Variants in WDR64 observed in about 807,000 individuals in gnomAD.
WDR64 encodes the protein WD repeat domain 64, also known as WD repeat-containing protein 64.
Under a neutral mutation model 139.3 loss-of-function variants are expected in WDR64, and 112 were observed. The ratio of observed to expected loss-of-function variants is 0.80; its 90% CI spans 0.69 to 0.94. The LOEUF (loss-of-function observed/expected upper bound fraction) is 0.94. Among genes scored for constraint, WDR64 ranks in the 40% least tolerant of loss-of-function variants. WDR64 has a pLI of 0.00. For missense variants in WDR64, 1,206 were observed against 1,293.1 expected (o/e 0.93, Z 1.03); for synonymous variants, 444 against 437.7 (o/e 1.01, Z -0.18).
chr1:241,766,844 G>A (rs961730977), intron 16 of WDR64, among the ~76,000 whole-genome samples: 1 of 152,162 alleles, frequency 6.6e-6, no homozygotes, highest in African/African-American at 2.4e-5. Context: ...TATAAGTAAG[G>A]TGAACTGTAA....
chr1:241,683,083 G>T (rs1666871875), intron 6 of WDR64, among the ~76,000 whole-genome samples: 1 of 152,070 alleles, frequency 6.6e-6, no homozygotes, highest in South Asian at 2.1e-4. Context: ...TTTTCTTCTG[G>T]TGACTCCTTG....
chr1:241,721,272 G>A (rs1405069256), intron 9 of WDR64, among the ~76,000 whole-genome samples: 1 of 152,030 alleles, frequency 6.6e-6, no homozygotes, highest in Non-Finnish European at 1.5e-5. Flanking sequence ...TGTCTTTGCT[G>A]TTCAGGCTCT....
chr1:241,671,090 C>T lies in WDR64; in HGVS notation c.293C>T (p.Ser98Phe). The stretch of plus-strand genomic sequence containing the variant: ...GGATTTCAGATCTTTGGATACTTCT[C>T]CTCTGAAGAAGATCCTATTGCTTCC... ...ADWCEIFGYF[S>F]SEEDPIASQL... The change falls in exon 3 of 28, where the codon TCC becomes TTC. Residue 98 changes from serine to phenylalanine, a missense_variant. Transcript: ENST00000437684. The T allele has an allele frequency of 6.5e-7, 1 of 1,549,484 alleles. No homozygotes were observed. The highest frequency in any genetic ancestry group is 2.0e-5 in the Admixed American group (1 of 50,662).
intron 8 of WDR64, among the ~76,000 whole-genome samples, chr1:241,709,342 C>T (rs2148167925): frequency 6.6e-6 from 1 of 152,260 alleles, no homozygotes; most frequent in East Asian, 1.9e-4. Context: ...GCAGCTGTGG[C>T]AAGAATTCAT....
chr1:241,655,829 T>C (rs1665573077), intron 1 of WDR64, among the ~76,000 whole-genome samples: 2 of 152,128 alleles, frequency 1.3e-5, no homozygotes, highest in South Asian at 4.1e-4. Flanking sequence ...GTTCATGCAC[T>C]TTATTGCCAT....
chr1:241,731,570 T>C (rs1469462428), intron 10 of WDR64, among the ~76,000 whole-genome samples: 2 of 152,174 alleles, frequency 1.3e-5, no homozygotes, highest in Non-Finnish European at 2.9e-5. Flanking sequence ...ACTGAGATAG[T>C]CTGCCTCCTG....
At chr1:241,743,266 G>C (rs901709221) in intron 12 of WDR64, among the ~76,000 whole-genome samples, 13 of 152,166 alleles carry the variant, frequency 8.5e-5, no homozygotes, top group African/African-American at 3.1e-4. Context: ...TGGTTGGAGA[G>C]GGATCACACT....
In WDR64 at chr1:241,687,478, A is replaced by G. The variant is rs750575442; in HGVS notation, c.857A>G (p.His286Arg). 1.2e-5 allele frequency: 19 copies of G among 1,613,942 alleles called. No homozygotes were observed. The highest frequency in any genetic ancestry group is 5.0e-5 in the Admixed American group (3 of 59,992). The change falls in exon 8 of 28, where the codon CAT becomes CGT. Residue 286 changes from histidine (H) to arginine (R), a missense_variant. Coordinates refer to ENST00000437684, the MANE Select transcript of WDR64 (RefSeq NM_001367482.1). The stretch of plus-strand genomic sequence containing the variant: ...ATCCCCAGTGTTAAAAGGAAGCTAC[A>G]TAATGACTGGGTTATGAAAATTAGA... ...KNFKSVKRKL[H>R]NDWVMKIRYI... is the part of the protein sequence containing the mutation.
At chr1:241,800,693 G>T (rs967061291) in intron 27 of WDR64, among the ~76,000 whole-genome samples, 1 of 152,054 alleles carries the variant, frequency 6.6e-6, no homozygotes, top group African/African-American at 2.4e-5. Flanking sequence ...TTCCTCATTT[G>T]TGTGACTGAT....
At chr1:241,782,619 C>G (rs950451478) in intron 22 of WDR64, among the ~76,000 whole-genome samples, 2 of 151,748 alleles carry the variant, frequency 1.3e-5, no homozygotes, top group South Asian at 2.1e-4. Context: ...CCGAGGCCCA[C>G]GAGAGGCCCT....
At chr1:241,757,654 T>G (rs1051862630) in intron 15 of WDR64, among the ~76,000 whole-genome samples, 195 bp downstream of exon 15, 170 of 142,972 alleles carry the variant, frequency 1.2e-3, no homozygotes, top group Non-Finnish European at 1.6e-3. Flanking sequence ...GATTTGTTTT[T>G]TTTTTTTTTT....
At chr1:241,735,531 CTCT>C (rs1669268464) in intron 10 of WDR64, among the ~76,000 whole-genome samples, 1 of 96,788 alleles carries the variant, frequency 1.0e-5, no homozygotes, top group African/African-American at 4.1e-5. Context: ...CTCTCTCTCT[CTCT>C]TTTTTTTTTT....
chr1:241,736,516 AGAAT>A (rs1669332475), intron 10 of WDR64, among the ~76,000 whole-genome samples: 1 of 152,084 alleles, frequency 6.6e-6, no homozygotes, highest in Admixed American at 6.5e-5. Flanking sequence ...CACAGAGACC[AGAAT>A]AAGAAGGTTT....
chr1:241,738,541 T>A, intron 11 of WDR64, 52 bp downstream of exon 11: 1 of 1,545,340 alleles, frequency 6.5e-7, no homozygotes, highest in East Asian at 2.3e-5. Context: ...ATTTTTAACC[T>A]TTTTTTAAAC....
In WDR64 at chr1:241,788,028, G is replaced by A. The variant is rs149173462; in HGVS notation, c.2885G>A (p.Arg962Gln). 35 of 1,584,708 alleles carry A rather than the reference G, an allele frequency of 2.2e-5. No homozygotes were observed. The Middle Eastern group carries it at 6.8e-4, about 31-fold the overall frequency. The stretch of plus-strand genomic sequence containing the variant: ...TATGAATATCCTCTGATATTTGACC[G>A]GGAAAAGTAAGACCATTAGCTCTTC... Reference protein sequence around the residue: ...QKYEYPLIFDREKWRKMSSVS... With the variant: ...QKYEYPLIFDQEKWRKMSSVS... The change falls in exon 24 of 28, where the codon CGG becomes CAG. Residue 962 changes from arginine to glutamine, a missense_variant. Physicochemically the swap from Arg to Gln is conservative, Grantham distance 43. Coordinates refer to ENST00000437684, the MANE Select transcript of WDR64 (RefSeq NM_001367482.1).
intron 9 of WDR64, among the ~76,000 whole-genome samples, chr1:241,720,512 G>A (rs771669529): frequency 1.4e-4 from 22 of 152,076 alleles, no homozygotes; most frequent in Non-Finnish European, 2.8e-4. Context: ...GGCATGAGAT[G>A]GTATCTCATT....
intron 27 of WDR64, 89 bp downstream of exon 27, chr1:241,796,459 A>G: frequency 1.2e-6 from 1 of 863,348 alleles, no homozygotes; most frequent in Non-Finnish European, 1.8e-6. Flanking sequence ...TGCTTTCAGA[A>G]ACATTCTGAA....
chr1:241,684,089 A>T (rs1052715260), intron 7 of WDR64, among the ~76,000 whole-genome samples: 5 of 152,338 alleles, frequency 3.3e-5, no homozygotes, highest in African/African-American at 1.2e-4. Flanking sequence ...TCTAAATATA[A>T]AAGCAATGGA....
In WDR64 at chr1:241,787,997, C is replaced by T; in HGVS notation, c.2854C>T (p.Gln952Ter). ...IKEESKFTEK[Q>*]KYEYPLIFDR... Reference sequence around the variant, plus strand: ...AGAAGAAAGCAAGTTCACAGAGAAGCAAAAATATGAATATCCTCTGATATT... The same window carrying T: ...AGAAGAAAGCAAGTTCACAGAGAAGTAAAAATATGAATATCCTCTGATATT... The change falls in exon 24 of 28, where the codon CAA becomes TAA. Residue 952 changes from glutamine to a stop codon, truncating the protein, a stop_gained. Coordinates refer to ENST00000437684, the MANE Select transcript of WDR64 (RefSeq NM_001367482.1). LOFTEE classifies it high-confidence loss of function. 1.2e-6 allele frequency: 2 copies of T among 1,600,258 alleles called. No homozygotes were observed. The highest frequency in any genetic ancestry group is 1.7e-6 in the Non-Finnish European group (2 of 1,176,054).
Sources: gnomAD v4.1 joint callset for allele counts (sites outside exome capture counted in the v4.1 genomes callset) on GRCh38, gnomAD v4.1.1 for gene constraint, MANE v1.5 for transcripts, NCBI Gene and HGNC (gene_info 2026-07-23, HGNC 2026-07-21) for gene names.